Variants in TMEM178B observed in about 807,000 individuals in gnomAD.
The protein encoded by TMEM178B is transmembrane protein 178B.
TMEM178B carries 5 observed loss-of-function variants against 31.0 expected under a neutral mutation model. The ratio of observed to expected loss-of-function variants is 0.16; its 90% CI spans 0.08 to 0.34. The LOEUF (loss-of-function observed/expected upper bound fraction) is 0.34, where lower values mean the gene tolerates loss of function less well. TMEM178B is among the 10% of genes least tolerant of loss of function. The pLI is 1.00. For synonymous variants in TMEM178B, 164 were observed against 164.0 expected, an observed-to-expected ratio of 1.00 and a Z score of 0.00; for missense variants, 275 against 400.3, an observed-to-expected ratio of 0.69 and a Z score of 2.67.
At chr7:141,421,319 G>C (rs1018259537) in intron 2 of TMEM178B, among the ~76,000 whole-genome samples, 3 of 152,146 alleles carry the variant, frequency 2.0e-5, no homozygotes, top group African/African-American at 4.8e-5. Context: ...GTAAAGACTG[G>C]TATATCCTGC....
rs1285643401 is a variant in TMEM178B at position 141,121,532 on chromosome 7, T to C, written c.382+46840T>C. Among the ~76,000 whole-genome samples the C allele has an allele frequency of 2.0e-5, 3 of 152,320 alleles. No individual in the cohort carries two copies. In the East Asian group the frequency reaches 5.8e-4, roughly 29 times the overall value. ...CATGAGTGCTCTGTCTTCTTTTTTC[T>C]TAGTTTATTTCTTCTTTTTGTTGCA... On this transcript the variant is annotated intron_variant, in intron 1 of 3. Coordinates refer to ENST00000565468, the MANE Select transcript of TMEM178B (RefSeq NM_001195278.2).
At chr7:141,250,269 T>C (rs1254096542) in intron 2 of TMEM178B, among the ~76,000 whole-genome samples, 2 of 152,188 alleles carry the variant, frequency 1.3e-5, no homozygotes, top group Admixed American at 1.3e-4. Flanking sequence ...CATGCACTGA[T>C]TTATTGAATC....
chr7:141,445,670 A>T (rs974769688), intron 3 of TMEM178B, among the ~76,000 whole-genome samples: 1 of 152,204 alleles, frequency 6.6e-6, no homozygotes. Context: ...TAAGCTAATG[A>T]CTTACTATGA....
chr7:141,328,306 G>A (rs1001684991), intron 2 of TMEM178B, among the ~76,000 whole-genome samples: 8 of 152,132 alleles, frequency 5.3e-5, no homozygotes, highest in African/African-American at 1.9e-4. Flanking sequence ...TTTTTAATGG[G>A]GGAATAAGAG....
chr7:141,318,169 A>G lies in TMEM178B; in HGVS notation c.496+105465A>G, dbSNP rs1021276896. On this transcript the variant is annotated intron_variant, in intron 2 of 3. Coordinates refer to ENST00000565468, the MANE Select transcript of TMEM178B (RefSeq NM_001195278.2). This position sits in a 1 kb window ranked among gnomAD's most constrained non-coding sequence, Gnocchi z 4.1. ...CATCCATCCTTCTGTCCATCAGTCC[A>G]TCCATCCATTTGTCCATTCAGTAAC... Among the ~76,000 whole-genome samples the G allele has an allele frequency of 6.6e-6, 1 of 152,222 alleles. No homozygotes were observed. The highest frequency in any genetic ancestry group is 1.5e-5 in the Non-Finnish European group (1 of 68,034).
At chr7:141,429,283 G>C (rs1045215057) in intron 2 of TMEM178B, among the ~76,000 whole-genome samples, 3 of 146,562 alleles carry the variant, frequency 2.0e-5, no homozygotes, top group African/African-American at 7.5e-5. Flanking sequence ...GTCAACCAAT[G>C]GATGAATGGA....
Position 141,074,742 on chromosome 7 carries a change from G to A in TMEM178B, c.382+50G>A, listed in dbSNP as rs1184706227. On this transcript the variant is annotated intron_variant, in intron 1 of 3. Coordinates refer to ENST00000565468, the MANE Select transcript of TMEM178B (RefSeq NM_001195278.2). The surrounding 1 kb of genome is among the most constrained non-coding windows in gnomAD (Gnocchi z 5.1). Reference sequence around the variant, plus strand: ...CGCTGCGGAGAGCCCGGCGCCTTTAGGCCCCGCAGCCCCTCGCGTCTCCTT... The same window carrying A: ...CGCTGCGGAGAGCCCGGCGCCTTTAAGCCCCGCAGCCCCTCGCGTCTCCTT... 2 of 1,439,244 alleles carry A rather than the reference G, an allele frequency of 1.4e-6. No individual in the cohort carries two copies. The highest frequency in any genetic ancestry group is 1.5e-5 in the South Asian group (1 of 68,234). 89.2% of individuals were successfully genotyped at this position (1,439,244 alleles called of 1,614,324 possible). A position where few individuals can be genotyped will look rare whatever the true frequency, so the allele number is the denominator to read the frequency against.
chr7:141,494,960 C>T, the TMEM178B span, among the ~76,000 whole-genome samples: 4 of 152,098 alleles, frequency 2.6e-5, no homozygotes, highest in South Asian at 2.1e-4. Flanking sequence ...CTATTGAAGC[C>T]GGGTGGTGGG....
chr7:141,507,175 T>A, the TMEM178B span, among the ~76,000 whole-genome samples: 1 of 152,046 alleles, frequency 6.6e-6, no homozygotes, highest in African/African-American at 2.4e-5. Flanking sequence ...TATTCTGGGG[T>A]CTGGAGAACA....
chr7:141,172,566 A>G (rs1796365579), intron 1 of TMEM178B, among the ~76,000 whole-genome samples: 1 of 152,184 alleles, frequency 6.6e-6, no homozygotes, highest in Non-Finnish European at 1.5e-5. Context: ...ATCTACAAGG[A>G]GCAGGCTCGG....
intron 3 of TMEM178B, among the ~76,000 whole-genome samples, chr7:141,438,489 A>G (rs1801592182): frequency 6.6e-6 from 1 of 151,792 alleles, no homozygotes; most frequent in Non-Finnish European, 1.5e-5. Context: ...ACCACTGGGT[A>G]TGTCCATCAC....
intron 1 of TMEM178B, among the ~76,000 whole-genome samples, chr7:141,117,133 A>G (rs1234860063): frequency 1.3e-5 from 2 of 152,244 alleles, no homozygotes; most frequent in Non-Finnish European, 1.5e-5. Context: ...TCCCACCAAC[A>G]GTGTGAAAGC....
intron 2 of TMEM178B, among the ~76,000 whole-genome samples, chr7:141,245,993 G>A (rs1797724304): frequency 6.6e-6 from 1 of 151,886 alleles, no homozygotes; most frequent in Admixed American, 6.6e-5. Flanking sequence ...TTTGGGAAAT[G>A]ATGCGATTTT....
intron 2 of TMEM178B, among the ~76,000 whole-genome samples, chr7:141,302,780 C>T (rs962326611): frequency 6.6e-6 from 1 of 152,206 alleles, no homozygotes; most frequent in African/African-American, 2.4e-5. Flanking sequence ...TCCCTGGGAA[C>T]ACTGTGTACA....
chr7:141,307,341 C>T lies in TMEM178B; in HGVS notation c.496+94637C>T, dbSNP rs115492942. Among the ~76,000 whole-genome samples the T allele has an allele frequency of 5.4e-3, 820 of 152,278 alleles. 11 individuals carry two copies. Among genetic ancestry groups the T allele is most frequent in the African/African-American group, 0.018 (766 of 41,552 alleles). ...ACTTTTGTAATAGATAATTTCCATA[C>T]GGGTATATTTTAGCAATCTGTGAAG... On this transcript the variant is annotated intron_variant, in intron 2 of 3. Coordinates refer to ENST00000565468, the MANE Select transcript of TMEM178B (RefSeq NM_001195278.2).
chr7:141,325,031 A>G (rs1331070085), intron 2 of TMEM178B, among the ~76,000 whole-genome samples: 1 of 152,094 alleles, frequency 6.6e-6, no homozygotes, highest in African/African-American at 2.4e-5. Context: ...CAATTTTCTC[A>G]GAAGCAAAAA....
chr7:141,262,095 A>G (rs1798022552), intron 2 of TMEM178B, among the ~76,000 whole-genome samples: 1 of 152,174 alleles, frequency 6.6e-6, no homozygotes, highest in African/African-American at 2.4e-5. Context: ...AGGAGAGAAG[A>G]TAGAGGTGCC....
At chr7:141,446,826 C>A (rs1040625180) in intron 3 of TMEM178B, among the ~76,000 whole-genome samples, 4 of 152,116 alleles carry the variant, frequency 2.6e-5, no homozygotes, top group Non-Finnish European at 5.9e-5. Flanking sequence ...CAATGCCTGG[C>A]ATTGTGCTGA....
intron 1 of TMEM178B, among the ~76,000 whole-genome samples, chr7:141,189,454 G>T (rs1796663055): frequency 6.6e-6 from 1 of 152,176 alleles, no homozygotes; most frequent in African/African-American, 2.4e-5. Context: ...TAGACTATTG[G>T]GTCAATTCCT....
Sources: allele counts gnomAD v4.1 joint callset (sites outside exome capture counted in the v4.1 genomes callset), GRCh38; gene constraint gnomAD v4.1.1; non-coding constraint Gnocchi (gnomAD v3.1); transcripts MANE v1.5; gene names NCBI Gene and HGNC (gene_info 2026-07-23, HGNC 2026-07-21).